The following ZC3HC1 variants were observed in gnomAD, a reference collection of about 807,000 sequenced individuals.
ZC3HC1 encodes the protein zinc finger C3HC-type protein 1.
A neutral mutation model predicts 61.9 loss-of-function variants in ZC3HC1; 38 were observed. The observed-to-expected ratio is 0.61, with a 90% CI of 0.47 to 0.81. ZC3HC1 has a LOEUF of 0.81. ZC3HC1 is among the 30% of genes least tolerant of loss of function. The pLI is 0.00. For synonymous variants in ZC3HC1, 213 were observed against 229.9 expected (o/e 0.93, Z 0.67); for missense variants, 554 against 622.7 (o/e 0.89, Z 1.17).
intron 4 of ZC3HC1, among the ~76,000 whole-genome samples, chr7:130,034,260 C>T (rs1255034312): frequency 2.7e-5 from 4 of 148,858 alleles, no homozygotes; most frequent in South Asian, 2.1e-4. Context: ...CCGAGGCGGG[C>T]GTATCACGAG....
chr7:130,019,630 A>G (rs1793540938), intron 9 of ZC3HC1, among the ~76,000 whole-genome samples: 1 of 152,120 alleles, frequency 6.6e-6, no homozygotes, highest in East Asian at 1.9e-4. Context: ...AAAGGGAGAC[A>G]AAGTAATTCA....
intron 2 of ZC3HC1, among the ~76,000 whole-genome samples, chr7:130,044,036 G>A (rs1794778584): frequency 6.6e-6 from 1 of 152,026 alleles, no homozygotes; most frequent in Non-Finnish European, 1.5e-5. Flanking sequence ...AGAGAGAAAT[G>A]GATGTAAATT....
chr7:130,047,375 C>A (rs1177413811), intron 2 of ZC3HC1, among the ~76,000 whole-genome samples: 1 of 152,074 alleles, frequency 6.6e-6, no homozygotes, highest in Admixed American at 6.5e-5. Context: ...GGATTACAGG[C>A]GTAAGCCACC....
chr7:130,045,998 C>T (rs1794850653), intron 2 of ZC3HC1, among the ~76,000 whole-genome samples: 2 of 151,688 alleles, frequency 1.3e-5, no homozygotes, highest in Admixed American at 1.3e-4. Flanking sequence ...ATGTCCTTTG[C>T]AGGGATGTGG....
At chr7:130,045,460 A>G (rs1287518670) in intron 2 of ZC3HC1, 1 of 457,128 alleles carries the variant, frequency 2.2e-6, no homozygotes, top group Non-Finnish European at 4.4e-6. Context: ...GTTGGAGTAG[A>G]GTATCCTCAG....
chr7:130,034,636 C>G (rs1335793922), intron 4 of ZC3HC1, among the ~76,000 whole-genome samples: 1 of 151,902 alleles, frequency 6.6e-6, no homozygotes, highest in Non-Finnish European at 1.5e-5. Context: ...CTTAGGATGA[C>G]AGGGGTATGC....
At chr7:130,022,258 T>C in intron 9 of ZC3HC1, 61 bp downstream of exon 9, 1 of 1,604,642 alleles carries the variant, frequency 6.2e-7, no homozygotes, top group African/African-American at 1.3e-5. Flanking sequence ...AGGCCCAGCC[T>C]CTGCTCCACC....
rs368266538 is a variant in ZC3HC1 at position 130,025,458 on chromosome 7, A to T, written c.776+700T>A. Reference sequence around the variant, plus strand: ...TTCCTATGGTAGTTTTTATCAATTAAGCGGATTTTTCTTCCTTTCTAAAAA... The same window carrying T: ...TTCCTATGGTAGTTTTTATCAATTATGCGGATTTTTCTTCCTTTCTAAAAA... On this transcript the variant is annotated intron_variant, in intron 6 of 9. Coordinates refer to ENST00000358303, the MANE Select transcript of ZC3HC1 (RefSeq NM_016478.5). Among the ~76,000 whole-genome samples the T allele has an allele frequency of 2.0e-5, 3 of 151,778 alleles. No homozygotes were observed. In the East Asian group the frequency reaches 6.0e-4, roughly 30 times the overall value.
chr7:130,030,941 T>C (rs1209290749), intron 4 of ZC3HC1, among the ~76,000 whole-genome samples: 1 of 151,942 alleles, frequency 6.6e-6, no homozygotes, highest in Admixed American at 6.6e-5. Context: ...GTGCTGGGAT[T>C]ACAGGCGTGA....
At chr7:130,046,799 T>G (rs1794883708) in intron 2 of ZC3HC1, among the ~76,000 whole-genome samples, 1 of 152,040 alleles carries the variant, frequency 6.6e-6, no homozygotes, top group Admixed American at 6.6e-5. Context: ...CAGTATAAGT[T>G]TTTTTTTGAG....
intron 5 of ZC3HC1, 24 bp from the exon 6 acceptor site, chr7:130,026,336 C>T (rs368079497): frequency 6.3e-7 from 1 of 1,592,226 alleles, no homozygotes; most frequent in Non-Finnish European, 8.6e-7. Flanking sequence ...AAGTAAAAAA[C>T]TTCGTTTCAA....
intron 5 of ZC3HC1, chr7:130,026,608 G>A (rs765411523): frequency 7.1e-5 from 17 of 238,128 alleles, no homozygotes; most frequent in Non-Finnish European, 1.3e-4. Context: ...CCTGAAACCT[G>A]CAAACTTCAA....
At chr7:130,028,758 G>T in intron 5 of ZC3HC1, 144 bp downstream of exon 5, 3 of 1,098,352 alleles carry the variant, frequency 2.7e-6, no homozygotes. Context: ...TCACCTTCCT[G>T]GTGGAGACTG....
chr7:130,040,497 CAAAAAAA>C lies in ZC3HC1; in HGVS notation c.409+447_409+453del, dbSNP rs35982469. Among the ~76,000 whole-genome samples, 62 of 44,174 alleles carry C rather than the reference CAAAAAAA, an allele frequency of 1.4e-3. 1 individual carries two copies. The highest frequency in any genetic ancestry group is 0.013 in the East Asian group (21 of 1,594). The allele number at this position is 44,174 out of a possible 152,430, so 29.0% of individuals were successfully genotyped here. A position where few individuals can be genotyped will look rare whatever the true frequency, so the allele number is the denominator to read the frequency against. On this transcript the variant is annotated intron_variant, in intron 3 of 9. Transcript: ENST00000358303. ...TGGGGGACAGAGCGAGACTCCGTCT[CAAAAAAA>C]AAAAAAAAAAAAAAAGACTGGCCAG...
chr7:130,026,516 G>T, intron 5 of ZC3HC1: 1 of 462,558 alleles, frequency 2.2e-6, no homozygotes, highest in Non-Finnish European at 3.8e-6. Context: ...TGAATCTGCT[G>T]ACTGAGAAAG....
In ZC3HC1 at chr7:130,051,278, T is replaced by TG. The variant is rs747018755; in HGVS notation, c.88dup (p.Gln30ProfsTer9). 9.3e-6 allele frequency: 15 copies of TG among 1,612,446 alleles called. No individual in the cohort carries two copies. Among genetic ancestry groups the TG allele is most frequent in the East Asian group, 2.2e-5 (1 of 44,736 alleles). ...CTCATCTATCAGCTGCCGGATTTTC[T>TG]GGGGGGTCCCTTCTGGGGAGCGAAC... On this transcript the variant is annotated frameshift_variant, in exon 1 of 10. Transcript: ENST00000358303. LOFTEE classifies it high-confidence loss of function.
In ZC3HC1 at chr7:130,041,071, G is replaced by A. The variant is rs768328198; in HGVS notation, c.289C>T (p.Leu97=). Residue 97 remains leucine, a synonymous_variant, in exon 3 of 10, where the codon CTG becomes TTG. Coordinates refer to ENST00000358303, the MANE Select transcript of ZC3HC1 (RefSeq NM_016478.5). ...TATTTTGCACAGACGAGTGGAGACA[G>A]CTCAAAGGGCTTACCTGCCCATTTC... ...SLKWAGKPFE[L]SPLVCAKYGW... 6.8e-6 allele frequency: 11 copies of A among 1,613,348 alleles called. No individual in the cohort carries two copies. In the South Asian group the frequency reaches 1.2e-4, roughly 18 times the overall value.
chr7:130,051,233 C>G lies in ZC3HC1; in HGVS notation c.134G>C (p.Gly45Ala), dbSNP rs759027558. The change falls in exon 1 of 10, where the codon GGA (glycine) becomes GCA (alanine). Residue 45 changes from glycine to alanine, a missense_variant. Coordinates refer to ENST00000358303, the MANE Select transcript of ZC3HC1 (RefSeq NM_016478.5). ...LIDEGIAPEE[G>A]GVDAKDTSAT... ...CTCGTGAACTCACGCGTCCACGCCT[C>G]CCTCTTCCGGGGCAATCCCCTCATC... 2.5e-6 allele frequency: 4 copies of G among 1,608,290 alleles called. No individual in the cohort carries two copies. The highest frequency in any genetic ancestry group is 2.5e-6 in the Non-Finnish European group (3 of 1,177,716).
chr7:130,029,668 TG>T (rs1455157024), intron 4 of ZC3HC1, among the ~76,000 whole-genome samples: 1 of 152,178 alleles, frequency 6.6e-6, no homozygotes, highest in Non-Finnish European at 1.5e-5. Context: ...TGATCATTGT[TG>T]AAGTTGAGTG....
Sources: gnomAD v4.1 joint callset for allele counts (sites outside exome capture counted in the v4.1 genomes callset) on GRCh38, gnomAD v4.1.1 for gene constraint, MANE v1.5 for transcripts, NCBI Gene and HGNC (gene_info 2026-07-23, HGNC 2026-07-21) for gene names.